Variants in ADAMTS6 observed in about 807,000 individuals in gnomAD.
The protein encoded by ADAMTS6 is ADAM metallopeptidase with thrombospondin type 1 motif 6, also known as A disintegrin and metalloproteinase with thrombospondin motifs 6.
ADAMTS6 carries 23 observed loss-of-function variants against 144.3 expected under a neutral mutation model. That is an observed-to-expected ratio of 0.16 (90% confidence interval 0.11 to 0.23). The LOEUF (loss-of-function observed/expected upper bound fraction) is 0.23, where lower values mean the gene tolerates loss of function less well. ADAMTS6 is among the 10% of genes least tolerant of loss of function. ADAMTS6 has a pLI of 1.00. For missense variants in ADAMTS6, 999 were observed against 1,379.6 expected (o/e 0.72, Z 4.37); for synonymous variants, 444 against 457.5 (o/e 0.97, Z 0.38).
rs73109296 is a variant in ADAMTS6 at position 65,347,114 on chromosome 5, G to A, written c.1074-13029C>T. On this transcript the variant is annotated intron_variant, in intron 7 of 24. Coordinates refer to ENST00000381055, the MANE Select transcript of ADAMTS6 (RefSeq NM_197941.4). The stretch of plus-strand genomic sequence containing the variant: ...AAATCAATATTGGCAGAGAGTGTCC[G>A]CACTTTCCAAAGCAATCTACAGATT... Among the ~76,000 whole-genome samples the A allele has an allele frequency of 3.8e-3, 575 of 151,696 alleles. 3 individuals carry two copies. Among genetic ancestry groups the A allele is most frequent in the African/African-American group, 0.012 (487 of 41,434 alleles).
intron 12 of ADAMTS6, among the ~76,000 whole-genome samples, chr5:65,270,289 A>G (rs1761951880): frequency 6.6e-6 from 1 of 152,222 alleles, no homozygotes; most frequent in East Asian, 1.9e-4. Context: ...TTACTTTCCA[A>G]ATATTATAGC....
chr5:65,176,119 G>T, intron 22 of ADAMTS6, among the ~76,000 whole-genome samples: 1 of 138,840 alleles, frequency 7.2e-6, no homozygotes, highest in African/African-American at 2.7e-5. Flanking sequence ...AAAAAAAAGG[G>T]AAAAAAAGGG....
At chr5:65,394,960 G>A (rs759115772) in intron 7 of ADAMTS6, among the ~76,000 whole-genome samples, 3 of 152,044 alleles carry the variant, frequency 2.0e-5, no homozygotes, top group South Asian at 2.1e-4. Context: ...GTAGCAGAGC[G>A]TCATAGAGAA....
chr5:65,163,080 T>C (rs1021258765), intron 24 of ADAMTS6, among the ~76,000 whole-genome samples: 1 of 152,104 alleles, frequency 6.6e-6, no homozygotes, highest in African/African-American at 2.4e-5. Context: ...TAGCTAACTT[T>C]TTTATTTTTT....
intron 7 of ADAMTS6, among the ~76,000 whole-genome samples, chr5:65,439,665 G>C (rs1413561322): frequency 1.3e-5 from 2 of 152,038 alleles, no homozygotes; most frequent in Non-Finnish European, 2.9e-5. Context: ...TGGCCTGAGG[G>C]GGAAAATAGC....
intron 9 of ADAMTS6, among the ~76,000 whole-genome samples, chr5:65,306,090 G>A (rs910121655): frequency 1.1e-4 from 16 of 152,138 alleles, no homozygotes; most frequent in African/African-American, 3.6e-4. Flanking sequence ...CATTTATATG[G>A]CCCATATTGT....
intron 7 of ADAMTS6, among the ~76,000 whole-genome samples, chr5:65,410,079 T>C (rs549923713): frequency 1.9e-4 from 29 of 152,212 alleles, no homozygotes; most frequent in African/African-American, 6.5e-4. Flanking sequence ...TAAAAACACT[T>C]GTGCTTGAGA....
At position 65,188,159 on chromosome 5, in the gene ADAMTS6, C is replaced by T; in HGVS notation, c.2767G>A (p.Ala923Thr). 6.2e-7 allele frequency: 1 copy of T among 1,614,134 alleles called. No homozygotes were observed. The highest frequency in any genetic ancestry group is 8.5e-7 in the Non-Finnish European group (1 of 1,180,002). ...CCGATCTTCCTGATGCAGAGCACTGCCCTTGTGCGCATCCCACCATCACAA... is the reference window on the plus strand; with the variant it reads ...CCGATCTTCCTGATGCAGAGCACTGTCCTTGTGCGCATCCCACCATCACAA... ...KTCDGGMRTR[A>T]VLCIRKIGPS... Residue 923 changes from alanine (A) to threonine (T), a missense_variant, in exon 22 of 25, where the codon GCA (alanine) becomes ACA (threonine). Ala to Thr is a moderately conservative substitution (Grantham distance 58, BLOSUM62 0). Around this residue, in one of 3 missense-constraint regions of ADAMTS6, gnomAD observed 619 missense variants for 837.0 expected, o/e 0.74. Coordinates refer to ENST00000381055, the MANE Select transcript of ADAMTS6 (RefSeq NM_197941.4).
At chr5:65,236,418 G>T (rs1251237337) in intron 15 of ADAMTS6, among the ~76,000 whole-genome samples, 3 of 152,066 alleles carry the variant, frequency 2.0e-5, no homozygotes, top group African/African-American at 4.8e-5. Flanking sequence ...CTCCTGAGTA[G>T]CTGAGACTAC....
chr5:65,443,793 T>C (rs1262871301), intron 7 of ADAMTS6, among the ~76,000 whole-genome samples: 25 of 150,252 alleles, frequency 1.7e-4, no homozygotes, highest in Admixed American at 1.5e-3. Flanking sequence ...AAAAAAACTC[T>C]CAGCAAACTA....
chr5:65,171,299 G>A (rs957563927), intron 23 of ADAMTS6, among the ~76,000 whole-genome samples: 9 of 152,108 alleles, frequency 5.9e-5, no homozygotes, highest in South Asian at 2.1e-4. Context: ...GTGAGCCATC[G>A]CGCCTGGCCA....
rs117676537 is a variant in ADAMTS6 at position 65,162,300 on chromosome 5, T to C, written c.3244+8317A>G. ...CCACAGATATATTGTTTTAGGCATG[T>C]CAAAAGGCAGTTCTTTCAGCAATGA... On this transcript the variant is annotated intron_variant, in intron 24 of 24. Coordinates refer to ENST00000381055, the MANE Select transcript of ADAMTS6 (RefSeq NM_197941.4). Among the ~76,000 whole-genome samples the C allele has an allele frequency of 4.6e-5, 7 of 152,366 alleles. No individual in the cohort carries two copies. In the East Asian group the frequency reaches 9.6e-4, roughly 21 times the overall value.
At chr5:65,475,911 T>C (rs1760810801) in intron 1 of ADAMTS6, among the ~76,000 whole-genome samples, 1 of 152,206 alleles carries the variant, frequency 6.6e-6, no homozygotes, top group Non-Finnish European at 1.5e-5. Context: ...CCTGTGGCAG[T>C]GTAGACTCTG....
intron 18 of ADAMTS6, among the ~76,000 whole-genome samples, chr5:65,218,067 T>C (rs1757060287): frequency 6.6e-6 from 1 of 152,054 alleles, no homozygotes; most frequent in East Asian, 1.9e-4. Context: ...AAGGCTGACA[T>C]AGCTGGAATA....
At chr5:65,350,110 T>A (rs970946957) in intron 7 of ADAMTS6, among the ~76,000 whole-genome samples, 3 of 152,226 alleles carry the variant, frequency 2.0e-5, no homozygotes, top group African/African-American at 7.2e-5. Flanking sequence ...ATCAGATGAA[T>A]GCCCTTTGAG....
intron 7 of ADAMTS6, among the ~76,000 whole-genome samples, chr5:65,426,040 C>T (rs1369648511): frequency 3.4e-5 from 5 of 148,722 alleles, no homozygotes; most frequent in Middle Eastern, 3.6e-3. Context: ...CGTGAGCCAC[C>T]GCACACAGAC....
At chr5:65,253,812 C>CTTTTTTTTTTTTTTT (rs759508097) in intron 14 of ADAMTS6, among the ~76,000 whole-genome samples, 1 of 66,962 alleles carries the variant, frequency 1.5e-5, no homozygotes, top group African/African-American at 6.5e-5. Context: ...AATATTCAAT[C>CTTTTTTTTTTTTTTT]TTTTTTTTTT....
At chr5:65,210,043 C>T (rs536471949) in intron 20 of ADAMTS6, 5 of 217,776 alleles carry the variant, frequency 2.3e-5, no homozygotes, top group South Asian at 1.5e-4. Context: ...GCACAGCATA[C>T]GCACATGAAC....
At chr5:65,260,894 TATTA>T (rs1761142246) in intron 13 of ADAMTS6, among the ~76,000 whole-genome samples, 1 of 152,114 alleles carries the variant, frequency 6.6e-6, no homozygotes, top group Non-Finnish European at 1.5e-5. Context: ...ATTAATTTTG[TATTA>T]ATTTACTAGT....
Sources: allele counts gnomAD v4.1 joint callset (sites outside exome capture counted in the v4.1 genomes callset), GRCh38; gene constraint gnomAD v4.1.1; regional missense constraint gnomAD v4.1.1; transcripts MANE v1.5; gene names NCBI Gene and HGNC (gene_info 2026-07-23, HGNC 2026-07-21).